CNBP: variants seen among roughly 807,000 people sequenced by gnomAD.
CNBP encodes the protein cellular nucleic acid-binding protein.
CNBP carries 6 observed loss-of-function variants against 21.2 expected under a neutral mutation model. The ratio of observed to expected loss-of-function variants is 0.28; its 90% CI spans 0.16 to 0.56. The LOEUF (loss-of-function observed/expected upper bound fraction) is 0.56. CNBP is among the 20% of genes least tolerant of loss of function. CNBP has a pLI of 0.93. For missense variants in CNBP, 112 were observed against 233.1 expected (o/e 0.48, Z 3.38); for synonymous variants, 61 against 74.9 (o/e 0.81, Z 0.96).
At chr3:129,176,960 A>C (rs897664896) in intron 1 of CNBP, among the ~76,000 whole-genome samples, 5 of 152,200 alleles carry the variant, frequency 3.3e-5, no homozygotes, top group African/African-American at 9.6e-5. Flanking sequence ...TAGATTTCAG[A>C]TTATCTAACA....
At chr3:129,170,661 CTT>C in intron 4 of CNBP, 91 bp from the exon 5 acceptor site, 1 of 981,546 alleles carries the variant, frequency 1.0e-6, no homozygotes, top group Non-Finnish European at 1.6e-6. Flanking sequence ...AACGCCTGAT[CTT>C]TGTTTTCATG....
At position 129,168,545 on chromosome 3, in the gene CNBP, T is replaced by C. The variant is rs185205817; in HGVS notation, c.*1908A>G. 7.6e-3 allele frequency among the ~76,000 whole-genome samples: 899 copies of C among 118,766 alleles called. 18 individuals carry two copies. The highest frequency in any genetic ancestry group is 0.029 in the African/African-American group (869 of 30,224). The allele number at this position is 118,766 out of a possible 152,430, so 77.9% of individuals were successfully genotyped here. A position where few individuals can be genotyped will look rare whatever the true frequency, so the allele number is the denominator to read the frequency against. ...GGGGTGTGGGGGTGGGGGGTGGAGG[T>C]TGCAGTGAGCTGAGATTGCACCATT... On this transcript the variant is annotated 3_prime_UTR_variant, in exon 5 of 5. Transcript: ENST00000422453.
Position 129,182,148 on chromosome 3 carries a change from T to C in CNBP, c.-15+1628A>G, listed in dbSNP as rs910343963. On this transcript the variant is annotated intron_variant, in intron 1 of 4. Coordinates refer to ENST00000422453, the MANE Select transcript of CNBP (RefSeq NM_003418.5). ...AAACAAATAACATAAAATTGCTAATTTAAATTCGAATGGAAATAGTAACTG... is the reference window on the plus strand; with the variant it reads ...AAACAAATAACATAAAATTGCTAATCTAAATTCGAATGGAAATAGTAACTG... Among the ~76,000 whole-genome samples, 145 of 152,112 alleles carry C rather than the reference T, an allele frequency of 9.5e-4. 4 individuals are homozygous for C. Among genetic ancestry groups the C allele is most frequent in the Admixed American group, 9.5e-3 (145 of 15,248 alleles).
intron 4 of CNBP, 35 bp downstream of exon 4, chr3:129,171,044 A>C (rs1937558728): frequency 6.3e-7 from 1 of 1,578,740 alleles, no homozygotes; most frequent in African/African-American, 1.3e-5. Flanking sequence ...AATCTCTGCA[A>C]TGAGTTTTCT....
intron 1 of CNBP, among the ~76,000 whole-genome samples, chr3:129,182,512 C>G (rs1938369434): frequency 6.6e-6 from 1 of 152,148 alleles, no homozygotes; most frequent in Non-Finnish European, 1.5e-5. Context: ...AAATCAACAC[C>G]TAAACCCAAA....
At chr3:129,181,931 A>T (rs1354862013) in intron 1 of CNBP, among the ~76,000 whole-genome samples, 1 of 152,196 alleles carries the variant, frequency 6.6e-6, no homozygotes, top group African/African-American at 2.4e-5. Context: ...AATCAGGCTC[A>T]ACAAACTAAA....
At chr3:129,178,897 G>A (rs944445590) in intron 1 of CNBP, among the ~76,000 whole-genome samples, 9 of 151,966 alleles carry the variant, frequency 5.9e-5, no homozygotes, top group East Asian at 3.9e-4. Context: ...TGCCCACCAC[G>A]ACGCCTGGCT....
Position 129,171,690 on chromosome 3 carries a change from C to T in CNBP, c.68G>A (p.Gly23Glu). 6.2e-7 allele frequency: 1 copy of T among 1,614,176 alleles called. No homozygotes were observed. The highest frequency in any genetic ancestry group is 8.5e-7 in the Non-Finnish European group (1 of 1,180,042). The change falls in exon 2 of 5, where the codon GGA becomes GAA. Residue 23 changes from glycine (G) to glutamate (E), a missense_variant. Transcript: ENST00000422453. ...GHWARECPTG[G>E]GRGRGMRSRG... ...GCTTCTCATTCCACGACCACGGCCTCCACCAGTAGGACATTCCCGGGCCCA... is the reference window on the plus strand; with the variant it reads ...GCTTCTCATTCCACGACCACGGCCTTCACCAGTAGGACATTCCCGGGCCCA...
chr3:129,168,112 AG>A lies in CNBP; in HGVS notation c.*2340del, dbSNP rs1405663932. 6.6e-6 allele frequency among the ~76,000 whole-genome samples: 1 copy of A among 152,142 alleles called. No individual in the cohort carries two copies. Among genetic ancestry groups the A allele is most frequent in the East Asian group, 1.9e-4 (1 of 5,198 alleles). Reference sequence around the variant, plus strand: ...AGTCAAGAATCACACAGCAGCATGGAGGGGGAAAATGAACTATATGATGCTA... The same window carrying A: ...AGTCAAGAATCACACAGCAGCATGGAGGGGAAAATGAACTATATGATGCTA... On this transcript the variant is annotated 3_prime_UTR_variant, in exon 5 of 5. Coordinates refer to ENST00000422453, the MANE Select transcript of CNBP (RefSeq NM_003418.5).
intron 2 of CNBP, 24 bp downstream of exon 2, chr3:129,171,610 A>G (rs755815162): frequency 6.2e-7 from 1 of 1,614,210 alleles, no homozygotes; most frequent in Non-Finnish European, 8.5e-7. Context: ...GAAGTACTTC[A>G]AATTTTTCTA....
Position 129,171,552 on chromosome 3 carries a change from A to G in CNBP, c.125-14T>C. 6.2e-7 allele frequency: 1 copy of G among 1,614,184 alleles called. No homozygotes were observed. Among genetic ancestry groups the G allele is most frequent in the East Asian group, 2.2e-5 (1 of 44,890 alleles). On this transcript the variant is annotated splice_polypyrimidine_tract_variant and intron_variant, in intron 2 of 4. Coordinates refer to ENST00000422453, the MANE Select transcript of CNBP (RefSeq NM_003418.5). Reference sequence around the variant, plus strand: ...CAAACTGGAAACCTGTTTTGAGCAAAAACAAAGAATTCGGCTAGTCAGACC... The same window carrying G: ...CAAACTGGAAACCTGTTTTGAGCAAGAACAAAGAATTCGGCTAGTCAGACC...
intron 1 of CNBP, among the ~76,000 whole-genome samples, chr3:129,174,724 C>T (rs561198213): frequency 6.6e-6 from 1 of 151,426 alleles, no homozygotes; most frequent in Admixed American, 6.6e-5. Flanking sequence ...GCACCACTTC[C>T]TCCCCATCTT....
At chr3:129,174,595 G>T (rs921322487) in intron 1 of CNBP, among the ~76,000 whole-genome samples, 3 of 150,924 alleles carry the variant, frequency 2.0e-5, no homozygotes, top group Admixed American at 1.3e-4. Flanking sequence ...AACCCGGGAG[G>T]TGGAGGTTGT....
At chr3:129,177,471 A>G (rs1937988055) in intron 1 of CNBP, among the ~76,000 whole-genome samples, 1 of 152,234 alleles carries the variant, frequency 6.6e-6, no homozygotes, top group Admixed American at 6.5e-5. Context: ...TGTGGTAAGA[A>G]TTGTTACCTT....
chr3:129,183,464 A>T (rs993506662), intron 1 of CNBP, among the ~76,000 whole-genome samples: 1 of 152,206 alleles, frequency 6.6e-6, no homozygotes, highest in Non-Finnish European at 1.5e-5. Flanking sequence ...CCTCGGCCCC[A>T]AGGGCGCACG....
At position 129,169,841 on chromosome 3, in the gene CNBP, T is replaced by A; in HGVS notation, c.*612A>T. On this transcript the variant is annotated 3_prime_UTR_variant, in exon 5 of 5. Transcript: ENST00000422453. ...GATTTAGTCTTTGAAAATAATGTGTTCTAAACCTTTGCCATCACCATCTAT... is the reference window on the plus strand; with the variant it reads ...GATTTAGTCTTTGAAAATAATGTGTACTAAACCTTTGCCATCACCATCTAT... 2 of 228,266 alleles carry A rather than the reference T, an allele frequency of 8.8e-6. No homozygotes were observed. The highest frequency in any genetic ancestry group is 1.3e-4 in the East Asian group (2 of 15,706). 14.1% of individuals were successfully genotyped at this position (228,266 alleles called of 1,614,324 possible).
At chr3:129,172,695 G>GACACACAC (rs1553787467) in intron 1 of CNBP, among the ~76,000 whole-genome samples, 15 of 78,870 alleles carry the variant, frequency 1.9e-4, no homozygotes, top group African/African-American at 3.3e-4. Context: ...CAGACAGACA[G>GACACACAC]ACACACACAC....
chr3:129,175,650 G>C (rs897141090), intron 1 of CNBP, among the ~76,000 whole-genome samples: 6 of 152,010 alleles, frequency 3.9e-5, no homozygotes, highest in Non-Finnish European at 7.4e-5. Flanking sequence ...GGATGGTCTC[G>C]ATCTCCTGAC....
At chr3:129,182,378 A>G (rs1938357298) in intron 1 of CNBP, among the ~76,000 whole-genome samples, 1 of 152,222 alleles carries the variant, frequency 6.6e-6, no homozygotes, top group African/African-American at 2.4e-5. Flanking sequence ...ACAGACGATT[A>G]CTGAGCAATG....
Sources: allele counts gnomAD v4.1 joint callset (sites outside exome capture counted in the v4.1 genomes callset), GRCh38; gene constraint gnomAD v4.1.1; transcripts MANE v1.5; gene names NCBI Gene and HGNC (gene_info 2026-07-23, HGNC 2026-07-21).